RAPGEF6: variants seen among roughly 807,000 people sequenced by gnomAD.
RAPGEF6 encodes Rap guanine nucleotide exchange factor 6.
RAPGEF6 carries 56 observed loss-of-function variants against 171.4 expected under a neutral mutation model. That is an observed-to-expected ratio of 0.33 (90% CI 0.26 to 0.41). RAPGEF6 has a LOEUF of 0.41. RAPGEF6 is among the 10% of genes least tolerant of loss of function. The pLI is 1.00. For missense variants in RAPGEF6, 1,674 were observed against 1,921.4 expected (o/e 0.87, Z 2.41); for synonymous variants, 692 against 650.1 (o/e 1.06, Z -0.98).
chr5:131,547,721 G>A (rs1339677995), intron 6 of RAPGEF6, among the ~76,000 whole-genome samples: 3 of 151,750 alleles, frequency 2.0e-5, no homozygotes, highest in African/African-American at 7.3e-5. Context: ...ATATTGGCCA[G>A]GCTGGTCTTG....
At chr5:131,516,076 T>C (rs1758059830) in intron 7 of RAPGEF6, among the ~76,000 whole-genome samples, 2 of 8,458 alleles carry the variant, frequency 2.4e-4, no homozygotes, top group African/African-American at 8.8e-4. Context: ...TTTTTTTTTT[T>C]TTTTTTTTTT....
intron 19 of RAPGEF6, among the ~76,000 whole-genome samples, chr5:131,458,276 C>CA (rs1753659162): frequency 1.3e-5 from 2 of 152,120 alleles, no homozygotes; most frequent in South Asian, 4.1e-4. Flanking sequence ...TCATGATAAT[C>CA]AGTGAGTTCT....
intron 19 of RAPGEF6, among the ~76,000 whole-genome samples, chr5:131,456,437 A>T (rs1753508531): frequency 6.6e-6 from 1 of 152,188 alleles, no homozygotes; most frequent in African/African-American, 2.4e-5. Flanking sequence ...TCTGCACCTT[A>T]GGAAGCCTTT....
In RAPGEF6 at chr5:131,487,005, A is replaced by C. The variant is rs560901056; in HGVS notation, c.1840+2541T>G. Among the ~76,000 whole-genome samples the C allele has an allele frequency of 6.6e-5, 10 of 152,262 alleles. 1 individual carries two copies. In the South Asian group the frequency reaches 2.1e-3, roughly 32 times the overall value. On this transcript the variant is annotated intron_variant, in intron 15 of 27. Transcript: ENST00000509018. Reference sequence around the variant, plus strand: ...TCAGTTTTAAGTAATAAAAGGACTGAGAATGGTTTGTTCTAGTATTGTGTC... The same window carrying C: ...TCAGTTTTAAGTAATAAAAGGACTGCGAATGGTTTGTTCTAGTATTGTGTC...
intron 25 of RAPGEF6, among the ~76,000 whole-genome samples, chr5:131,432,959 T>A (rs915852920): frequency 1.3e-5 from 2 of 151,940 alleles, no homozygotes; most frequent in Non-Finnish European, 2.9e-5. Flanking sequence ...AAATTTAGAG[T>A]TGATTTTTTT....
At chr5:131,450,215 G>A (rs1752974933) in intron 21 of RAPGEF6, among the ~76,000 whole-genome samples, 1 of 151,846 alleles carries the variant, frequency 6.6e-6, no homozygotes, top group African/African-American at 2.4e-5. Flanking sequence ...AAGGCAGGAG[G>A]GTAAGATGAG....
At chr5:131,620,527 A>G (rs1765534638) in intron 1 of RAPGEF6, among the ~76,000 whole-genome samples, 2 of 152,246 alleles carry the variant, frequency 1.3e-5, no homozygotes, top group South Asian at 4.1e-4. Flanking sequence ...GAGGCAATTT[A>G]GAAATTCAGT....
At chr5:131,519,467 T>C (rs1758329033) in intron 7 of RAPGEF6, among the ~76,000 whole-genome samples, 1 of 152,156 alleles carries the variant, frequency 6.6e-6, no homozygotes. Flanking sequence ...AGTGGCATGC[T>C]CTTGGCTTGC....
At chr5:131,634,500 G>A (rs1278865170) in intron 1 of RAPGEF6, among the ~76,000 whole-genome samples, 3 of 152,164 alleles carry the variant, frequency 2.0e-5, no homozygotes, top group African/African-American at 4.8e-5. Flanking sequence ...TTGACTGGAT[G>A]TAAACTTTTA....
intron 5 of RAPGEF6, 96 bp downstream of exon 5, chr5:131,561,882 T>A (rs1374161677): frequency 1.1e-5 from 10 of 882,502 alleles, no homozygotes; most frequent in Non-Finnish European, 1.8e-5. Flanking sequence ...TAAAAGGTCA[T>A]AGTAATAAAA....
intron 17 of RAPGEF6, among the ~76,000 whole-genome samples, chr5:131,465,823 C>T (rs1754295140): frequency 6.6e-6 from 1 of 151,852 alleles, no homozygotes; most frequent in Admixed American, 6.6e-5. Flanking sequence ...ATTACTGTGG[C>T]TTTTTTGTAT....
At chr5:131,435,879 GGTTTA>G in intron 24 of RAPGEF6, 1 of 1,445,878 alleles carries the variant, frequency 6.9e-7, no homozygotes, top group Middle Eastern at 1.9e-4. Flanking sequence ...TTTGACAAAT[GGTTTA>G]ATTTAAGCCA....
chr5:131,501,423 A>C (rs1269522623), intron 11 of RAPGEF6, among the ~76,000 whole-genome samples: 1 of 152,116 alleles, frequency 6.6e-6, no homozygotes, highest in Non-Finnish European at 1.5e-5. Context: ...TGAAGATTGT[A>C]GTACAGTAAA....
chr5:131,633,636 C>G (rs1301516070), intron 1 of RAPGEF6, among the ~76,000 whole-genome samples: 1 of 151,598 alleles, frequency 6.6e-6, no homozygotes, highest in Non-Finnish European at 1.5e-5. Context: ...GAGGCTGAGG[C>G]AGAAAAATCG....
intron 4 of RAPGEF6, among the ~76,000 whole-genome samples, chr5:131,565,386 G>C (rs887732363): frequency 3.9e-5 from 6 of 152,200 alleles, no homozygotes; most frequent in African/African-American, 1.4e-4. Flanking sequence ...TGATTAAAAA[G>C]AGATATATCT....
intron 21 of RAPGEF6, among the ~76,000 whole-genome samples, chr5:131,450,727 T>C (rs528195432): frequency 6.6e-6 from 1 of 152,314 alleles, no homozygotes; most frequent in East Asian, 1.9e-4. Context: ...AAAATGGACA[T>C]TGTTTGCTTA....
chr5:131,634,600 T>A (rs1002531779), intron 1 of RAPGEF6, among the ~76,000 whole-genome samples: 3 of 152,254 alleles, frequency 2.0e-5, no homozygotes, highest in Non-Finnish European at 4.4e-5. Context: ...ATTACATGGC[T>A]GAGATACTTC....
At chr5:131,528,313 T>TAA (rs1251388931) in intron 6 of RAPGEF6, among the ~76,000 whole-genome samples, 1 of 48,846 alleles carries the variant, frequency 2.0e-5, no homozygotes, top group Non-Finnish European at 4.5e-5. Context: ...TATATTTATA[T>TAA]TATATATATA....
chr5:131,527,874 G>A (rs1758997160), intron 6 of RAPGEF6, among the ~76,000 whole-genome samples: 2 of 151,104 alleles, frequency 1.3e-5, no homozygotes, highest in Non-Finnish European at 1.5e-5. Context: ...AATTAGCCGG[G>A]CATGGTGGCG....
Sources: gnomAD v4.1 joint callset for allele counts (sites outside exome capture counted in the v4.1 genomes callset) on GRCh38, gnomAD v4.1.1 for gene constraint, MANE v1.5 for transcripts, NCBI Gene and HGNC (gene_info 2026-07-23, HGNC 2026-07-21) for gene names.